The following DNAH3 variants were observed in gnomAD, a reference collection of about 807,000 sequenced individuals.
DNAH3 encodes the protein axonemal beta dynein heavy chain 3.
Under a neutral mutation model 432.5 loss-of-function variants are expected in DNAH3, and 332 were observed. The observed-to-expected ratio is 0.77, with a 90% CI of 0.70 to 0.84. The LOEUF (loss-of-function observed/expected upper bound fraction) is 0.84, where lower values mean the gene tolerates loss of function less well. Among genes scored for constraint, DNAH3 ranks in the 40% least tolerant of loss-of-function variants. The probability of loss-of-function intolerance (pLI) is 0.00; values close to 1 mark genes in which losing one functional copy is unlikely to be tolerated. For missense variants in DNAH3, 4,861 were observed against 5,114.0 expected, an observed-to-expected ratio of 0.95 and a Z score of 1.51; for synonymous variants, 1,956 against 1,900.2, an observed-to-expected ratio of 1.03 and a Z score of -0.76.
Position 20,933,242 on chromosome 16 carries a change from T to TA in DNAH3, c.12262dup (p.Tyr4088LeufsTer6). On this transcript the variant is annotated frameshift_variant, in exon 62 of 62. Transcript: ENST00000261383. LOFTEE classifies it high-confidence loss of function. ...TGTTGGAAGCTCAATGGAGAGGACA[T>TA]AGTTGGTAGAGTGGCCTGTGGTGGA... The TA allele has an allele frequency of 6.2e-7, 1 of 1,614,164 alleles. No individual in the cohort carries two copies. The highest frequency in any genetic ancestry group is 8.5e-7 in the Non-Finnish European group (1 of 1,180,030).
At chr16:20,980,155 C>G (rs1251310295) in intron 49 of DNAH3, among the ~76,000 whole-genome samples, 2 of 112,044 alleles carry the variant, frequency 1.8e-5, no homozygotes. Context: ...TATTCCCTGA[C>G]TTTGTAGAAA....
chr16:20,950,352 T>A (rs1250882326), intron 56 of DNAH3, among the ~76,000 whole-genome samples: 5 of 152,218 alleles, frequency 3.3e-5, no homozygotes, highest in African/African-American at 1.2e-4. Context: ...TTCTGTGTTG[T>A]GGGGACCACC....
chr16:21,072,300 T>C (rs1332065714), intron 21 of DNAH3, among the ~76,000 whole-genome samples: 3 of 152,124 alleles, frequency 2.0e-5, no homozygotes, highest in Admixed American at 2.0e-4. Context: ...AACGTGCAGG[T>C]TGGTTACATA....
intron 20 of DNAH3, among the ~76,000 whole-genome samples, chr16:21,079,046 G>C (rs2091080148): frequency 6.6e-6 from 1 of 152,192 alleles, no homozygotes; most frequent in South Asian, 2.1e-4. Flanking sequence ...GGTCACAGTT[G>C]AACATGTGTG....
chr16:20,934,344 C>A (rs1567482741), intron 61 of DNAH3, among the ~76,000 whole-genome samples: 1 of 152,114 alleles, frequency 6.6e-6, no homozygotes. Context: ...GGGGTTATGT[C>A]CTGATAAACC....
At chr16:21,150,033 C>G (rs1302668233) in intron 1 of DNAH3, among the ~76,000 whole-genome samples, 1 of 151,992 alleles carries the variant, frequency 6.6e-6, no homozygotes, top group Non-Finnish European at 1.5e-5. Context: ...CAAGACCAGC[C>G]TGACCAACAT....
intron 31 of DNAH3, among the ~76,000 whole-genome samples, chr16:21,046,104 C>T (rs1388212146): frequency 1.4e-5 from 2 of 146,572 alleles, no homozygotes; most frequent in Non-Finnish European, 3.0e-5. Context: ...AGTATGTGGT[C>T]AATTTTGGAA....
Position 20,980,197 on chromosome 16 carries a change from T to A in DNAH3, c.7860-651A>T, listed in dbSNP as rs920089393. On this transcript the variant is annotated intron_variant, in intron 49 of 61. Coordinates refer to ENST00000261383, the Ensembl canonical transcript of DNAH3. ...TATATATATATATATATAATTTTAT[T>A]ATATATTTATTTATATTATTTATAT... Among the ~76,000 whole-genome samples the A allele has an allele frequency of 3.0e-5, 4 of 135,108 alleles. No homozygotes were observed. The East Asian group carries it at 8.2e-4, about 28-fold the overall frequency. The allele number at this position is 135,108 out of a possible 152,430, so 88.6% of individuals were successfully genotyped here.
intron 57 of DNAH3, among the ~76,000 whole-genome samples, chr16:20,948,037 A>G (rs1471661690): frequency 6.6e-6 from 1 of 152,148 alleles, no homozygotes; most frequent in Non-Finnish European, 1.5e-5. Flanking sequence ...CAGCCTCCCA[A>G]AGTGCTGAGA....
At chr16:21,012,091 C>A (rs1310246479) in intron 41 of DNAH3, among the ~76,000 whole-genome samples, 1 of 152,072 alleles carries the variant, frequency 6.6e-6, no homozygotes, top group African/African-American at 2.4e-5. Flanking sequence ...ACTAACAAAG[C>A]CTGCCACAGA....
At chr16:21,013,446 C>T (rs1409910822) in intron 41 of DNAH3, among the ~76,000 whole-genome samples, 10 of 151,964 alleles carry the variant, frequency 6.6e-5, no homozygotes, top group Non-Finnish European at 1.2e-4. Context: ...TGAGGCTGGG[C>T]GCAGTGGCTC....
intron 49 of DNAH3, among the ~76,000 whole-genome samples, chr16:20,980,441 T>C (rs1364075267): frequency 6.6e-6 from 1 of 150,536 alleles, no homozygotes; most frequent in Non-Finnish European, 1.5e-5. Flanking sequence ...GGCACAATCA[T>C]GGCTCACTGT....
intron 24 of DNAH3, among the ~76,000 whole-genome samples, chr16:21,065,825 G>GTTTA (rs55642971): frequency 6.6e-6 from 1 of 151,598 alleles, no homozygotes; most frequent in African/African-American, 2.4e-5. Context: ...TTCTGAGTTT[G>GTTTA]TTTATTTATT....
intron 56 of DNAH3, 130 bp downstream of exon 56, chr16:20,952,303 T>C: frequency 1.6e-6 from 1 of 637,138 alleles, no homozygotes; most frequent in Non-Finnish European, 2.9e-6. Flanking sequence ...ATGACCAGCA[T>C]TAGTAAGAGC....
intron 16 of DNAH3, among the ~76,000 whole-genome samples, chr16:21,099,350 A>G (rs554151497): frequency 2.6e-5 from 4 of 152,274 alleles, no homozygotes; most frequent in African/African-American, 9.6e-5. Flanking sequence ...CAAACAATAA[A>G]ATATTTCTGT....
chr16:21,143,066 G>T (rs1043309997), intron 3 of DNAH3, among the ~76,000 whole-genome samples: 1 of 152,122 alleles, frequency 6.6e-6, no homozygotes, highest in Non-Finnish European at 1.5e-5. Flanking sequence ...CACCAGTGCC[G>T]CTCTGAAGAA....
At chr16:21,088,455 A>G (rs2091444917) in intron 18 of DNAH3, among the ~76,000 whole-genome samples, 1 of 152,234 alleles carries the variant, frequency 6.6e-6, no homozygotes, top group Non-Finnish European at 1.5e-5. Context: ...GAGGAGTAGT[A>G]GTAGCATTTC....
At chr16:21,153,594 C>T (rs889166520) in intron 1 of DNAH3, among the ~76,000 whole-genome samples, 1 of 152,144 alleles carries the variant, frequency 6.6e-6, no homozygotes, top group Non-Finnish European at 1.5e-5. Context: ...TTTGTTCTTT[C>T]ACTGTTTGGG....
At chr16:21,008,840 C>G (rs1276329326) in intron 41 of DNAH3, among the ~76,000 whole-genome samples, 3 of 152,200 alleles carry the variant, frequency 2.0e-5, no homozygotes, top group Non-Finnish European at 4.4e-5. Flanking sequence ...TTCACTACTT[C>G]ACAATGCTTG....
Sources: allele counts gnomAD v4.1 joint callset (sites outside exome capture counted in the v4.1 genomes callset), GRCh38; gene constraint gnomAD v4.1.1; transcripts MANE v1.5; gene names NCBI Gene and HGNC (gene_info 2026-07-23, HGNC 2026-07-21).